The following MLH3 variants were observed in gnomAD, a reference collection of about 807,000 sequenced individuals.
MLH3 encodes mutL homolog 3.
In MLH3, 82 loss-of-function variants were observed where a neutral mutation model predicts 122.2. The observed-to-expected ratio is 0.67, with a 90% confidence interval of 0.56 to 0.81. The LOEUF (loss-of-function observed/expected upper bound fraction) is 0.81. MLH3 is among the 30% of genes least tolerant of loss of function. MLH3 has a pLI of 0.00. For missense variants in MLH3, 1,539 were observed against 1,714.5 expected (o/e 0.90, Z 1.81); for synonymous variants, 524 against 599.5 (o/e 0.87, Z 1.84).
chr14:75,042,863 C>T (rs1891962925), intron 2 of MLH3, among the ~76,000 whole-genome samples: 1 of 151,910 alleles, frequency 6.6e-6, no homozygotes, highest in African/African-American at 2.4e-5. Context: ...GCAACTTCCG[C>T]CTCCCGGGTT....
At chr14:75,028,416 A>ATTT (rs34129769) in intron 9 of MLH3, among the ~76,000 whole-genome samples, 6 of 128,158 alleles carry the variant, frequency 4.7e-5, no homozygotes, top group Non-Finnish European at 6.6e-5. Context: ...TTTCCCCCCA[A>ATTT]TTTTTTTTTT....
Position 75,042,394 on chromosome 14 carries a change from T to C in MLH3, c.3364A>G (p.Arg1122Gly), listed in dbSNP as rs1891916067. The C allele has an allele frequency of 6.2e-7, 1 of 1,613,978 alleles. No homozygotes were observed. Among genetic ancestry groups the C allele is most frequent in the Non-Finnish European group, 8.5e-7 (1 of 1,179,966 alleles). The change falls in exon 3 of 13, where the codon AGA becomes GGA. Residue 1122 changes from arginine (R) to glycine (G), a missense_variant. Physicochemically the swap from Arg to Gly is moderately radical, Grantham distance 125. Transcript: ENST00000355774. The part of the protein sequence containing the change: ...PRARAERTVM[R>G]QDNRDTVDDT... ...CCACCCTTACCTCTGTTATCCTGTCTCATCACAGTCCTCTCTGCTCGAGCT... is the reference window on the plus strand; with the variant it reads ...CCACCCTTACCTCTGTTATCCTGTCCCATCACAGTCCTCTCTGCTCGAGCT...
rs1027700572 is a variant in MLH3 at position 75,047,326 on chromosome 14, C to T, written c.2330G>A (p.Gly777Glu). The stretch of plus-strand genomic sequence containing the variant: ...TTGAAGACTGAGATTGGTAGTGACT[C>T]CATTACTTTCCTCTACTTCTGTATC... ...PLDTEVEESN[G>E]VTTNLSLQVE... The change falls in exon 2 of 13, where the codon GGA (glycine) becomes GAA (glutamate). Residue 777 changes from glycine to glutamate, a missense_variant. By Grantham distance (98) the Gly-to-Glu change is moderately conservative. Transcript: ENST00000355774. 1.9e-6 allele frequency: 3 copies of T among 1,613,982 alleles called. No homozygotes were observed. The African/African-American group carries it at 4.0e-5, about 22-fold the overall frequency.
chr14:75,030,733 A>T (rs1890995562), intron 8 of MLH3, 31 bp from the exon 9 acceptor site: 1 of 1,598,902 alleles, frequency 6.3e-7, no homozygotes, highest in Non-Finnish European at 8.6e-7. Flanking sequence ...GTTAAAAAAA[A>T]AAAGAGTGCT....
intron 2 of MLH3, among the ~76,000 whole-genome samples, chr14:75,045,067 C>T (rs748697960): frequency 6.6e-6 from 1 of 152,194 alleles, no homozygotes; most frequent in Non-Finnish European, 1.5e-5. Flanking sequence ...CAGTGGCTCA[C>T]GCCTATAATC....
chr14:75,050,138 G>C (rs997464859), intron 1 of MLH3, among the ~76,000 whole-genome samples: 1 of 152,160 alleles, frequency 6.6e-6, no homozygotes, highest in African/African-American at 2.4e-5. Context: ...CAATAACCAT[G>C]ACTTTTAGAA....
chr14:75,018,618 G>A (rs1202299117), intron 12 of MLH3, among the ~76,000 whole-genome samples: 1 of 152,226 alleles, frequency 6.6e-6, no homozygotes, highest in African/African-American at 2.4e-5. Flanking sequence ...AAGCCATTAT[G>A]TAGGTGACCT....
intron 9 of MLH3, among the ~76,000 whole-genome samples, chr14:75,026,581 G>A (rs1290737902): frequency 3.3e-5 from 5 of 152,156 alleles, no homozygotes; most frequent in African/African-American, 4.8e-5. Flanking sequence ...AGACAAGAGA[G>A]AGAATGGGAA....
chr14:75,036,760 C>T (rs1485225838), intron 6 of MLH3: 2 of 456,034 alleles, frequency 4.4e-6, no homozygotes, highest in Admixed American at 2.4e-5. Flanking sequence ...GGCCAGAACA[C>T]CAGAAGTCAT....
In MLH3 at chr14:75,016,459, C is replaced by T. The variant is rs1889891825; in HGVS notation, c.*623G>A. 5.3e-6 allele frequency: 1 copy of T among 189,672 alleles called. No homozygotes were observed. Among genetic ancestry groups the T allele is most frequent in the Non-Finnish European group, 1.1e-5 (1 of 90,366 alleles). The allele number at this position is 189,672 out of a possible 1,614,324, so 11.7% of individuals were successfully genotyped here. A position where few individuals can be genotyped will look rare whatever the true frequency, so the allele number is the denominator to read the frequency against. ...CCCGGAACAGGACTTTAAATTTTCT[C>T]TGTTCTATCCTTGTCCTTTTTATCA... On this transcript the variant is annotated 3_prime_UTR_variant, in exon 13 of 13. Coordinates refer to ENST00000355774, the MANE Select transcript of MLH3 (RefSeq NM_001040108.2).
chr14:75,033,167 C>T (rs1566586771), intron 7 of MLH3, among the ~76,000 whole-genome samples: 2 of 152,038 alleles, frequency 1.3e-5, no homozygotes, highest in African/African-American at 2.4e-5. Context: ...CCTATCCTTG[C>T]GTACTTCTGG....
At position 75,029,737 on chromosome 14, in the gene MLH3, G is replaced by A. The variant is rs529046683; in HGVS notation, c.3987+806C>T. Among the ~76,000 whole-genome samples the A allele has an allele frequency of 1.4e-3, 213 of 152,074 alleles. 1 individual carries two copies. The highest frequency in any genetic ancestry group is 4.8e-3 in the African/African-American group (200 of 41,480). ...TTTAGTAGAGATGGGGTTTTTCCAT[G>A]CTTGTCAGGCTGGTCTCGAACTCCC... On this transcript the variant is annotated intron_variant, in intron 9 of 12. Coordinates refer to ENST00000355774, the MANE Select transcript of MLH3 (RefSeq NM_001040108.2).
In MLH3 at chr14:75,046,881, G is replaced by T. The variant is rs144010264; in HGVS notation, c.2775C>A (p.Asn925Lys). 4.0e-5 allele frequency: 64 copies of T among 1,613,790 alleles called. No homozygotes were observed. In the African/African-American group the frequency reaches 5.6e-4, roughly 14 times the overall value. ...LTQDFCMLFN[N>K]KHEKTENGVI... ...CACCATTCTCTGTTTTTTCATGCTT[G>T]TTGTTAAATAACATACAAAAATCTT... Residue 925 changes from asparagine (N) to lysine (K), a missense_variant, in exon 2 of 13, where the codon AAC (asparagine) becomes AAA (lysine). Coordinates refer to ENST00000355774, the MANE Select transcript of MLH3 (RefSeq NM_001040108.2).
At chr14:75,033,759 C>A (rs1178578703) in intron 6 of MLH3, among the ~76,000 whole-genome samples, 6 of 152,186 alleles carry the variant, frequency 3.9e-5, no homozygotes, top group Admixed American at 3.9e-4. Context: ...CTTGCCCCCA[C>A]CCCTTCTAGT....
Position 75,049,638 on chromosome 14 carries a change from T to C in MLH3, c.18A>G (p.Ser6=). The change falls in exon 2 of 13, where the codon TCA becomes TCG. Residue 6 remains serine, a synonymous_variant. Transcript: ENST00000355774. MIKCL[S]VEVQAKLRSG... ...AACGCAATTTGGCTTGTACTTCAACTGACAAGCACTTGATCATGGTAGGTA... is the reference window on the plus strand; with the variant it reads ...AACGCAATTTGGCTTGTACTTCAACCGACAAGCACTTGATCATGGTAGGTA... 2 of 1,614,080 alleles carry C rather than the reference T, an allele frequency of 1.2e-6. No homozygotes were observed. Among genetic ancestry groups the C allele is most frequent in the South Asian group, 1.1e-5 (1 of 91,074 alleles).
chr14:75,020,411 G>A (rs779813440), intron 11 of MLH3, among the ~76,000 whole-genome samples: 1 of 152,144 alleles, frequency 6.6e-6, no homozygotes, highest in Non-Finnish European at 1.5e-5. Flanking sequence ...GAGCCAGAGT[G>A]GATGTGAAGA....
At chr14:75,042,920 C>T (rs1891967148) in intron 2 of MLH3, among the ~76,000 whole-genome samples, 1 of 152,104 alleles carries the variant, frequency 6.6e-6, no homozygotes, top group African/African-American at 2.4e-5. Context: ...GGATTACAGG[C>T]ATGCGTCACC....
chr14:75,042,382 T>A lies in MLH3; in HGVS notation c.3376A>T (p.Arg1126Ter). Residue 1126 changes from arginine (R) to a stop codon, truncating the protein, a stop_gained, in exon 3 of 13, where the codon AGA (arginine) becomes TGA (stop). Coordinates refer to ENST00000355774, the MANE Select transcript of MLH3 (RefSeq NM_001040108.2). LOFTEE classifies it high-confidence loss of function. ...CAGCACTCTCTGCCACCCTTACCTC[T>A]GTTATCCTGTCTCATCACAGTCCTC... ...AERTVMRQDN[R>*]DTVDDTVSSE... is the part of the protein sequence containing the mutation. The A allele has an allele frequency of 6.2e-7, 1 of 1,613,966 alleles. No homozygotes were observed. Among genetic ancestry groups the A allele is most frequent in the South Asian group, 1.1e-5 (1 of 91,086 alleles).
At chr14:75,046,058 T>G (rs1892186806) in intron 2 of MLH3, among the ~76,000 whole-genome samples, 1 of 151,512 alleles carries the variant, frequency 6.6e-6, no homozygotes, top group Non-Finnish European at 1.5e-5. Context: ...CATGCTCTTG[T>G]AATCCAAGCT....
Sources: allele counts gnomAD v4.1 joint callset (sites outside exome capture counted in the v4.1 genomes callset), GRCh38; gene constraint gnomAD v4.1.1; transcripts MANE v1.5; gene names NCBI Gene and HGNC (gene_info 2026-07-23, HGNC 2026-07-21).